Variants in EYS observed in about 807,000 individuals in gnomAD.
EYS encodes the protein protein eyes shut homolog.
In EYS, 250 loss-of-function variants were observed where a neutral mutation model predicts 282.1. The observed-to-expected ratio is 0.89, with a 90% CI of 0.80 to 0.98. The LOEUF (loss-of-function observed/expected upper bound fraction) is 0.98. EYS is among the 50% of genes least tolerant of loss of function. The pLI is 0.00. For missense variants in EYS, 4,016 were observed against 3,709.0 expected (o/e 1.08, Z -2.15); for synonymous variants, 1,355 against 1,282.9 (o/e 1.06, Z -1.20).
At chr6:65,217,983 A>T (rs986469822) in intron 12 of EYS, among the ~76,000 whole-genome samples, 2 of 152,106 alleles carry the variant, frequency 1.3e-5, no homozygotes, top group African/African-American at 4.8e-5. Context: ...CATTGTCTCC[A>T]TTGAGAGATC....
At chr6:64,688,672 G>T (rs1158398331) in intron 22 of EYS, among the ~76,000 whole-genome samples, 1 of 152,172 alleles carries the variant, frequency 6.6e-6, no homozygotes, top group East Asian at 1.9e-4. Context: ...AGTAAGTGCA[G>T]TGTGGTGCTG....
chr6:65,377,009 C>T (rs1765393715), intron 8 of EYS, among the ~76,000 whole-genome samples: 1 of 152,146 alleles, frequency 6.6e-6, no homozygotes, highest in Non-Finnish European at 1.5e-5. Flanking sequence ...GAACTCACCT[C>T]TGGACCAAGC....
rs1203886396 is a variant in EYS at position 64,470,540 on chromosome 6, G to A, written c.5645-31188C>T. 2.0e-5 allele frequency among the ~76,000 whole-genome samples: 3 copies of A among 151,564 alleles called. No homozygotes were observed. In the East Asian group the frequency reaches 5.9e-4, roughly 30 times the overall value. On this transcript the variant is annotated intron_variant, in intron 26 of 42. Transcript: ENST00000503581. ...CAATCTTTTGCCCTGGTTTACACTG[G>A]AAGAAGAAGAATTGTCTTGGGCCAC...
At chr6:64,298,473 C>T (rs1449388380) in intron 30 of EYS, among the ~76,000 whole-genome samples, 2 of 152,010 alleles carry the variant, frequency 1.3e-5, no homozygotes, top group African/African-American at 4.8e-5. Flanking sequence ...ATAAACTCAA[C>T]TTAGAGTGTT....
At chr6:63,940,619 C>T (rs896642314) in intron 35 of EYS, among the ~76,000 whole-genome samples, 8 of 151,032 alleles carry the variant, frequency 5.3e-5, no homozygotes, top group African/African-American at 1.7e-4. Context: ...CTGATGAGTT[C>T]GCAGATGCCA....
chr6:64,307,145 T>C, intron 29 of EYS, 63 bp from the exon 30 acceptor site: 6 of 889,296 alleles, frequency 6.7e-6, no homozygotes, highest in African/African-American at 1.7e-5. Context: ...AATATATTAT[T>C]CTTGCTTCAA....
chr6:64,668,716 C>T (rs1769328946), intron 22 of EYS, among the ~76,000 whole-genome samples: 1 of 151,812 alleles, frequency 6.6e-6, no homozygotes, highest in African/African-American at 2.4e-5. Flanking sequence ...AGGTACCCGC[C>T]ACCACGCCCA....
intron 24 of EYS, among the ~76,000 whole-genome samples, chr6:64,597,474 A>T (rs538168482): frequency 6.6e-6 from 1 of 152,334 alleles, no homozygotes; most frequent in East Asian, 1.9e-4. Context: ...CTATCAGTGA[A>T]GGCTGGATCA....
chr6:63,825,281 C>T (rs1771430138), intron 36 of EYS, among the ~76,000 whole-genome samples: 1 of 152,164 alleles, frequency 6.6e-6, no homozygotes, highest in Admixed American at 6.5e-5. Flanking sequence ...TTAGACATGC[C>T]TAGCCCTGCC....
chr6:64,031,845 G>A (rs1020097049), intron 33 of EYS, among the ~76,000 whole-genome samples: 16 of 152,092 alleles, frequency 1.1e-4, no homozygotes, highest in African/African-American at 2.4e-4. Flanking sequence ...CAGACCACTC[G>A]GCTCTACCAA....
Position 65,060,236 on chromosome 6 carries a change from T to G in EYS, c.2024-2509A>C, listed in dbSNP as rs536613199. On this transcript the variant is annotated intron_variant, in intron 12 of 42. Transcript: ENST00000503581. ...AAGACACCTACAAGGAAGACTTTTT[T>G]TTTTTTTCAAATTTGACACTTTAAA... 2.8e-3 allele frequency among the ~76,000 whole-genome samples: 433 copies of G among 152,024 alleles called. 1 individual carries two copies. Among genetic ancestry groups the G allele is most frequent in the African/African-American group, 9.3e-3 (386 of 41,524 alleles).
At position 64,270,580 on chromosome 6, in the gene EYS, A is replaced by G. The variant is rs552600867; in HGVS notation, c.6191+36390T>C. On this transcript the variant is annotated intron_variant, in intron 30 of 42. Transcript: ENST00000503581. Reference sequence around the variant, plus strand: ...AAAGATTTATATGCGCTGATATATAAAGCTAAGATATTGAAAAACCAAGTG... The same window carrying G: ...AAAGATTTATATGCGCTGATATATAGAGCTAAGATATTGAAAAACCAAGTG... Among the ~76,000 whole-genome samples, 106 of 152,306 alleles carry G rather than the reference A, an allele frequency of 7.0e-4. 3 individuals are homozygous for G. In the South Asian group the frequency reaches 0.02, roughly 29 times the overall value.
At chr6:64,300,068 A>G (rs1769179745) in intron 30 of EYS, among the ~76,000 whole-genome samples, 1 of 152,210 alleles carries the variant, frequency 6.6e-6, no homozygotes, top group African/African-American at 2.4e-5. Flanking sequence ...ACCCTATCTT[A>G]GGCAAGTGGC....
At chr6:64,356,824 CT>C (rs1199675023) in intron 29 of EYS, among the ~76,000 whole-genome samples, 1 of 151,542 alleles carries the variant, frequency 6.6e-6, no homozygotes, top group African/African-American at 2.4e-5. Flanking sequence ...ACATAATCTC[CT>C]TTTTTTCTTT....
chr6:63,739,002 A>C (rs530909677), intron 41 of EYS, among the ~76,000 whole-genome samples: 1 of 152,246 alleles, frequency 6.6e-6, no homozygotes, highest in East Asian at 1.9e-4. Context: ...CTAATAAATA[A>C]ATGTATGGAA....
chr6:64,274,269 G>A (rs1768033953), intron 30 of EYS, among the ~76,000 whole-genome samples: 1 of 152,098 alleles, frequency 6.6e-6, no homozygotes, highest in South Asian at 2.1e-4. Context: ...TGTGTCTCCT[G>A]GGTCAAGCCA....
At chr6:64,909,122 C>T (rs569568893) in intron 16 of EYS, among the ~76,000 whole-genome samples, 5 of 152,200 alleles carry the variant, frequency 3.3e-5, no homozygotes, top group South Asian at 2.1e-4. Context: ...CTTTCAATTC[C>T]TTGAGGGCAT....
chr6:64,768,925 T>G (rs1380500673), intron 22 of EYS, among the ~76,000 whole-genome samples: 3 of 152,000 alleles, frequency 2.0e-5, no homozygotes, highest in African/African-American at 7.2e-5. Context: ...TATCTTACAT[T>G]GATGATGCTG....
intron 35 of EYS, among the ~76,000 whole-genome samples, chr6:63,922,722 G>C (rs1489571015): frequency 3.9e-5 from 6 of 152,158 alleles, no homozygotes; most frequent in African/African-American, 1.2e-4. Context: ...CCTCAATGTA[G>C]AAAAATTGGT....
Sources: gnomAD v4.1 joint callset for allele counts (sites outside exome capture counted in the v4.1 genomes callset) on GRCh38, gnomAD v4.1.1 for gene constraint, MANE v1.5 for transcripts, NCBI Gene and HGNC (gene_info 2026-07-23, HGNC 2026-07-21) for gene names.